Variants in NME7 observed in about 807,000 individuals in gnomAD.
NME7 encodes the protein nucleoside diphosphate kinase 7.
Under a neutral mutation model 49.1 loss-of-function variants are expected in NME7, and 41 were observed. The observed-to-expected ratio is 0.83, with a 90% CI of 0.65 to 1.08. The LOEUF is 1.08. NME7 is among the 50% of genes least tolerant of loss of function. The pLI is 0.00. For missense variants in NME7, 423 were observed against 463.4 expected, an observed-to-expected ratio of 0.91 and a Z score of 0.80; for synonymous variants, 139 against 150.6, an observed-to-expected ratio of 0.92 and a Z score of 0.56.
intron 5 of NME7, 53 bp from the exon 6 acceptor site, chr1:169,298,816 T>C (rs1302570917): frequency 4.3e-6 from 6 of 1,401,424 alleles, no homozygotes; most frequent in African/African-American, 1.4e-5. Flanking sequence ...AACTAGGTAT[T>C]TGTCTTAACG....
At chr1:169,280,868 T>G (rs888112103) in intron 7 of NME7, among the ~76,000 whole-genome samples, 2 of 151,492 alleles carry the variant, frequency 1.3e-5, no homozygotes, top group Non-Finnish European at 2.9e-5. Context: ...CCTTGTAGTA[T>G]AGTTAGAAGT....
intron 7 of NME7, among the ~76,000 whole-genome samples, chr1:169,268,320 A>G (rs1308077261): frequency 7.5e-6 from 1 of 133,740 alleles, no homozygotes; most frequent in African/African-American, 2.5e-5. Flanking sequence ...AGAAAAAGGA[A>G]CACTTATATA....
intron 7 of NME7, chr1:169,285,752 A>T (rs1315944141): frequency 6.6e-6 from 1 of 152,194 alleles, no homozygotes; most frequent in African/African-American, 2.4e-5. Context: ...TATATTCTCC[A>T]TAAGTGTTTG....
At chr1:169,358,738 G>A (rs1200756131) in intron 1 of NME7, among the ~76,000 whole-genome samples, 1 of 151,996 alleles carries the variant, frequency 6.6e-6, no homozygotes, top group Non-Finnish European at 1.5e-5. Flanking sequence ...CAAATCTATT[G>A]TTAGACATAT....
At chr1:169,180,841 T>C (rs1659905519) in intron 10 of NME7, among the ~76,000 whole-genome samples, 2 of 152,180 alleles carry the variant, frequency 1.3e-5, no homozygotes, top group South Asian at 4.1e-4. Context: ...GTCCTGGGTG[T>C]GTATTTTGTG....
At chr1:169,219,512 G>A (rs1313597031) in intron 10 of NME7, among the ~76,000 whole-genome samples, 1 of 152,104 alleles carries the variant, frequency 6.6e-6, no homozygotes, top group African/African-American at 2.4e-5. Context: ...ACCAGAGGAT[G>A]GCTGTATTTC....
At chr1:169,274,563 T>A (rs183501991) in intron 7 of NME7, among the ~76,000 whole-genome samples, 1,442 of 133,740 alleles carry the variant, frequency 0.011, 160 homozygotes, top group African/African-American at 0.034. Flanking sequence ...CTGAATGGTA[T>A]TGCCTAGGTT....
intron 1 of NME7, among the ~76,000 whole-genome samples, chr1:169,349,686 T>G (rs1235237049): frequency 6.6e-6 from 1 of 152,136 alleles, no homozygotes; most frequent in Non-Finnish European, 1.5e-5. Context: ...GAACCTCTTT[T>G]TTTAAAACCC....
At chr1:169,164,827 A>T (rs915853643) in intron 11 of NME7, among the ~76,000 whole-genome samples, 7 of 152,204 alleles carry the variant, frequency 4.6e-5, no homozygotes, top group Admixed American at 3.3e-4. Flanking sequence ...TTCTGGGACA[A>T]AAGTTATAGA....
chr1:169,331,834 C>G (rs1443649879), intron 1 of NME7, among the ~76,000 whole-genome samples: 1 of 150,470 alleles, frequency 6.6e-6, no homozygotes, highest in Non-Finnish European at 1.5e-5. Flanking sequence ...AAATGGGAAG[C>G]TATTCCATGT....
chr1:169,361,773 C>G (rs899355021), intron 1 of NME7, among the ~76,000 whole-genome samples: 78 of 148,546 alleles, frequency 5.3e-4, no homozygotes, highest in African/African-American at 1.9e-3. Flanking sequence ...CAGAACAAAA[C>G]TCTGTCTAAA....
At chr1:169,179,145 G>A (rs10919086) in intron 10 of NME7, among the ~76,000 whole-genome samples, 54,193 of 152,004 alleles carry the variant, frequency 0.36, 10,437 homozygotes, top group East Asian at 0.73. Context: ...TAGCAGTGAA[G>A]TTATAAAAGT....
Position 169,265,498 on chromosome 1 carries a change from T to C in NME7, c.754+21805A>G, listed in dbSNP as rs1485792549. The stretch of plus-strand genomic sequence containing the variant: ...AGCTAAGGCAGTGTTAAGAGGGAAA[T>C]TATAGCACTAAACACCCACATCAAA... On this transcript the variant is annotated intron_variant, in intron 7 of 11. Transcript: ENST00000367811. Among the ~76,000 whole-genome samples, 2 of 132,512 alleles carry C rather than the reference T, an allele frequency of 1.5e-5. 1 individual carries two copies. Among genetic ancestry groups the C allele is most frequent in the Non-Finnish European group, 3.5e-5 (2 of 56,570 alleles). 86.9% of individuals were successfully genotyped at this position (132,512 alleles called of 152,430 possible). A position where few individuals can be genotyped will look rare whatever the true frequency, so the allele number is the denominator to read the frequency against.
intron 10 of NME7, among the ~76,000 whole-genome samples, chr1:169,223,789 A>ATG (rs1661216858): frequency 7.3e-6 from 1 of 137,110 alleles, no homozygotes; most frequent in Non-Finnish European, 1.6e-5. Flanking sequence ...ATATATATAG[A>ATG]GAGAGAGAGA....
At chr1:169,150,222 A>ATG (rs1043858590) in intron 11 of NME7, among the ~76,000 whole-genome samples, 13 of 152,162 alleles carry the variant, frequency 8.5e-5, no homozygotes, top group Non-Finnish European at 1.8e-4. Context: ...GTATGTCTGT[A>ATG]TGTGTGTGTG....
intron 1 of NME7, among the ~76,000 whole-genome samples, chr1:169,353,625 G>A (rs1249623397): frequency 2.0e-5 from 3 of 151,732 alleles, no homozygotes; most frequent in Non-Finnish European, 2.9e-5. Context: ...CCACAGAATA[G>A]GACAAAATAT....
chr1:169,312,765 T>C (rs1321360585), intron 3 of NME7, among the ~76,000 whole-genome samples: 1 of 152,208 alleles, frequency 6.6e-6, no homozygotes, highest in African/African-American at 2.4e-5. Context: ...TGCTATGTAA[T>C]AAAGTCTTAG....
At chr1:169,247,694 T>C (rs145507215) in intron 7 of NME7, among the ~76,000 whole-genome samples, 52 of 152,270 alleles carry the variant, frequency 3.4e-4, no homozygotes, top group African/African-American at 1.2e-3. Context: ...TGCCTTTGCA[T>C]ACCCGTATCT....
At chr1:169,223,387 G>A (rs936328511) in intron 10 of NME7, among the ~76,000 whole-genome samples, 6 of 151,426 alleles carry the variant, frequency 4.0e-5, no homozygotes, top group African/African-American at 1.5e-4. Context: ...TTTGTGGGAA[G>A]GGATTTTGAA....
Sources: allele counts gnomAD v4.1 joint callset (sites outside exome capture counted in the v4.1 genomes callset), GRCh38; gene constraint gnomAD v4.1.1; transcripts MANE v1.5; gene names NCBI Gene and HGNC (gene_info 2026-07-23, HGNC 2026-07-21).